FGF12: variants seen among roughly 807,000 people sequenced by gnomAD.
FGF12 encodes the protein fibroblast growth factor 12.
Under a neutral mutation model 23.6 loss-of-function variants are expected in FGF12, and 14 were observed. The observed-to-expected ratio is 0.59, with a 90% confidence interval of 0.39 to 0.93. The LOEUF (loss-of-function observed/expected upper bound fraction) is 0.93, where lower values mean the gene tolerates loss of function less well. Ranked by LOEUF, FGF12 falls within the 40% of genes least tolerant of loss-of-function variation. FGF12 has a pLI of 0.00. For synonymous variants in FGF12, 62 were observed against 77.3 expected (o/e 0.80, Z 1.04); for missense variants, 175 against 217.8 (o/e 0.80, Z 1.24).
chr3:192,564,209 G>A (rs1277908352), intron 2 of FGF12, among the ~76,000 whole-genome samples: 4 of 151,990 alleles, frequency 2.6e-5, no homozygotes, highest in African/African-American at 7.2e-5. Context: ...GATTACAGGC[G>A]CCCGCCACCA....
rs1430467344 is a variant in FGF12, at chr3:192,378,030, CTTTCTTTCTTTCTT to C, written c.14-17506_14-17493del. Among the ~76,000 whole-genome samples, 106 of 59,546 alleles carry C rather than the reference CTTTCTTTCTTTCTT, an allele frequency of 1.8e-3. 10 individuals carry two copies. The East Asian group carries it at 0.04, about 22-fold the overall frequency. The allele number at this position is 59,546 out of a possible 152,430, so 39.1% of individuals were successfully genotyped here. A position where few individuals can be genotyped will look rare whatever the true frequency, so the allele number is the denominator to read the frequency against. On this transcript the variant is annotated intron_variant, in intron 2 of 5. Transcript: ENST00000445105. ...TCCCTTTCTTCTGACTCTTTCTTTT[CTTTCTTTCTTTCTT>C]TCTTTCTTTCTTTCTTTCTTTCTTT...
At chr3:192,493,197 C>G (rs533749585) in intron 2 of FGF12, among the ~76,000 whole-genome samples, 1 of 152,128 alleles carries the variant, frequency 6.6e-6, no homozygotes, top group Admixed American at 6.6e-5. Flanking sequence ...GACTGTGTGC[C>G]TTTAGCAGAT....
intron 2 of FGF12, among the ~76,000 whole-genome samples, chr3:192,480,326 C>T (rs770846478): frequency 2.6e-5 from 4 of 152,164 alleles, no homozygotes; most frequent in Non-Finnish European, 4.4e-5. Context: ...TAGCATTTCA[C>T]TTGGCACAAT....
chr3:192,702,866 A>G (rs1685987806), intron 2 of FGF12, among the ~76,000 whole-genome samples: 1 of 152,210 alleles, frequency 6.6e-6, no homozygotes, highest in South Asian at 2.1e-4. Flanking sequence ...GAAATTTTAA[A>G]GAGTTGATTA....
intron 3 of FGF12, among the ~76,000 whole-genome samples, chr3:192,357,612 G>A (rs1718535171): frequency 6.6e-6 from 1 of 151,918 alleles, no homozygotes; most frequent in South Asian, 2.1e-4. Context: ...TATTGACGGA[G>A]ACGTTCATGC....
intron 2 of FGF12, among the ~76,000 whole-genome samples, chr3:192,405,856 C>G (rs73889320): frequency 0.012 from 1,789 of 152,226 alleles, 28 homozygotes; most frequent in African/African-American, 0.04. Context: ...ATCATCTTCC[C>G]AAAATGTTTT....
intron 2 of FGF12, among the ~76,000 whole-genome samples, chr3:192,487,297 C>T (rs146036845): frequency 2.6e-5 from 4 of 152,214 alleles, no homozygotes; most frequent in Admixed American, 2.6e-4. Context: ...AGTGCCGCTT[C>T]GAAACCTTGG....
chr3:192,436,027 A>C (rs1722014369), intron 2 of FGF12, among the ~76,000 whole-genome samples: 1 of 152,224 alleles, frequency 6.6e-6, no homozygotes, highest in Non-Finnish European at 1.5e-5. Context: ...TAGCCCAAGC[A>C]ATTCTCAAAG....
intron 4 of FGF12, among the ~76,000 whole-genome samples, chr3:192,174,005 A>G (rs1453210433): frequency 6.6e-6 from 1 of 152,194 alleles, no homozygotes; most frequent in Non-Finnish European, 1.5e-5. Context: ...TGTGTTGAAC[A>G]ACGGGCTCCT....
Position 192,408,479 on chromosome 3 carries a change from T to C in FGF12, c.14-47941A>G. 7.6e-7 allele frequency: 1 copy of C among 1,323,662 alleles called. No homozygotes were observed. Among genetic ancestry groups the C allele is most frequent in the Non-Finnish European group, 9.6e-7 (1 of 1,039,714 alleles). The allele number at this position is 1,323,662 out of a possible 1,614,324, so 82.0% of individuals were successfully genotyped here. A position where few individuals can be genotyped will look rare whatever the true frequency, so the allele number is the denominator to read the frequency against. On this transcript the variant is annotated intron_variant, in intron 2 of 5. Transcript: ENST00000445105. The surrounding 1 kb of genome is among the most constrained non-coding windows in gnomAD (Gnocchi z 7.3). The stretch of plus-strand genomic sequence containing the variant: ...GCGGCCGGGGGGCGGGGCGGGGCGG[T>C]CCCAGGCCCTCTTGCGAAGTAGACG...
chr3:192,513,895 T>C (rs2108841456), intron 2 of FGF12, among the ~76,000 whole-genome samples: 1 of 152,316 alleles, frequency 6.6e-6, no homozygotes, highest in Admixed American at 6.5e-5. Flanking sequence ...TAAAGAACTT[T>C]ATAAACAATT....
chr3:192,168,030 C>A (rs1318884012), intron 5 of FGF12, among the ~76,000 whole-genome samples: 1 of 151,206 alleles, frequency 6.6e-6, no homozygotes, highest in Non-Finnish European at 1.5e-5. Flanking sequence ...CTCCCAAAGT[C>A]CTGGGATTAC....
At chr3:192,403,571 A>C (rs1050020942) in intron 2 of FGF12, among the ~76,000 whole-genome samples, 1 of 151,586 alleles carries the variant, frequency 6.6e-6, no homozygotes, top group South Asian at 2.1e-4. Flanking sequence ...AACAAAAATC[A>C]AGCCAAATAT....
chr3:192,319,239 T>C (rs1716400541), intron 4 of FGF12, among the ~76,000 whole-genome samples: 1 of 152,110 alleles, frequency 6.6e-6, no homozygotes, highest in Non-Finnish European at 1.5e-5. Flanking sequence ...TATAATACTG[T>C]AATTGTGGTG....
intron 4 of FGF12, among the ~76,000 whole-genome samples, chr3:192,307,504 G>T (rs1715709993): frequency 6.6e-6 from 1 of 152,166 alleles, no homozygotes; most frequent in South Asian, 2.1e-4. Flanking sequence ...AATAAATAAA[G>T]CTAGAGTGGG....
At chr3:192,273,842 G>C (rs898578237) in intron 4 of FGF12, among the ~76,000 whole-genome samples, 1 of 151,706 alleles carries the variant, frequency 6.6e-6, no homozygotes, top group Non-Finnish European at 1.5e-5. Context: ...CTTGCTGCCC[G>C]TGTCCTTCCT....
At chr3:192,244,713 G>C (rs1719794806) in intron 4 of FGF12, 1 of 152,122 alleles carries the variant, frequency 6.6e-6, no homozygotes, top group African/African-American at 2.4e-5. Context: ...TGATAAACCT[G>C]AAAGAAGATA....
chr3:192,326,587 T>C (rs1420850016), intron 4 of FGF12, among the ~76,000 whole-genome samples: 3 of 152,200 alleles, frequency 2.0e-5, no homozygotes, highest in African/African-American at 7.2e-5. Context: ...AAGGGAGAAA[T>C]TCCCAATGGT....
intron 2 of FGF12, among the ~76,000 whole-genome samples, chr3:192,640,888 C>T (rs1715771739): frequency 6.6e-6 from 1 of 152,026 alleles, no homozygotes; most frequent in South Asian, 2.1e-4. Flanking sequence ...TCATGGCTCA[C>T]TGCCCCCTCA....
Sources: allele counts gnomAD v4.1 joint callset (sites outside exome capture counted in the v4.1 genomes callset), GRCh38; gene constraint gnomAD v4.1.1; non-coding constraint Gnocchi (gnomAD v3.1); transcripts MANE v1.5; gene names NCBI Gene and HGNC (gene_info 2026-07-23, HGNC 2026-07-21).